Variants in CHD8 observed in about 807,000 individuals in gnomAD.
CHD8 encodes ATP-dependent chromatin remodeler CHD8.
A neutral mutation model predicts 279.2 loss-of-function variants in CHD8; 31 were observed. The ratio of observed to expected loss-of-function variants is 0.11; its 90% CI spans 0.08 to 0.15. The LOEUF (loss-of-function observed/expected upper bound fraction) is 0.15. CHD8 is among the 10% of genes least tolerant of loss of function. CHD8 has a pLI of 1.00. For missense variants in CHD8, 2,146 were observed against 3,230.5 expected (o/e 0.66, Z 8.14); for synonymous variants, 1,081 against 1,139.6 (o/e 0.95, Z 1.04).
At chr14:21,388,815 ATCCATGGATT>A (rs919383889) in intron 37 of CHD8, among the ~76,000 whole-genome samples, 10 of 152,154 alleles carry the variant, frequency 6.6e-5, no homozygotes, top group Admixed American at 5.9e-4. Flanking sequence ...GGACTCGAGC[ATCCATGGATT>A]TTGGTATCTG....
intron 1 of CHD8, among the ~76,000 whole-genome samples, chr14:21,446,630 A>G (rs888886334): frequency 5.9e-5 from 9 of 152,146 alleles, no homozygotes; most frequent in African/African-American, 1.9e-4. Context: ...TAATTTTCTT[A>G]ACAAGACTAA....
intron 20 of CHD8, 66 bp from the exon 21 acceptor site, chr14:21,401,579 A>G (rs1006534020): frequency 1.5e-5 from 15 of 1,011,800 alleles, no homozygotes; most frequent in African/African-American, 3.3e-5. Flanking sequence ...ATCAGCAATT[A>G]TGTTTTAAAA....
At position 21,431,366 on chromosome 14, in the gene CHD8, T is replaced by C; in HGVS notation, c.278A>G (p.His93Arg). The C allele has an allele frequency of 6.5e-7, 1 of 1,537,416 alleles. No homozygotes were observed. Among genetic ancestry groups the C allele is most frequent in the Non-Finnish European group, 8.7e-7 (1 of 1,146,998 alleles). The change falls in exon 2 of 38, where the codon CAT (histidine) becomes CGT (arginine). Residue 93 changes from histidine (H) to arginine (R), a missense_variant. Physicochemically the swap from His to Arg is conservative, Grantham distance 29. This residue lies in a region of CHD8 where 302 missense variants were observed against 325.5 expected (regional missense o/e 0.93). Transcript: ENST00000646647. ...GCTGGCAGGCTGAGTGGTATAATCA[T>C]GCAAGGTTATGGATTCTGGAGCTGG... ...TAPAPESITL[H>R]DYTTQPASQE...
At chr14:21,417,844 A>ACT (rs1378476909) in intron 5 of CHD8, among the ~76,000 whole-genome samples, 3 of 99,016 alleles carry the variant, frequency 3.0e-5, no homozygotes, top group African/African-American at 1.2e-4. Flanking sequence ...ACACAGTGAG[A>ACT]CTCTCTCAAA....
At chr14:21,401,549 T>TC in intron 20 of CHD8, 36 bp from the exon 21 acceptor site, 2 of 1,351,258 alleles carry the variant, frequency 1.5e-6, no homozygotes, top group Non-Finnish European at 2.0e-6. Context: ...AAGCTGACTT[T>TC]TTTTTTTAAG....
chr14:21,437,015 T>C (rs1889810605), intron 1 of CHD8: 3 of 1,157,116 alleles, frequency 2.6e-6, no homozygotes, highest in Non-Finnish European at 3.3e-6. Context: ...GGTAAGGAGC[T>C]AGCGGGGGTG....
chr14:21,395,762 G>A, intron 28 of CHD8, 55 bp downstream of exon 28: 1 of 1,011,404 alleles, frequency 9.9e-7, no homozygotes, highest in Middle Eastern at 2.1e-4. Flanking sequence ...AATGGTTGAA[G>A]ACTTAAAACT....
At chr14:21,437,607 G>A (rs1158713955) in intron 1 of CHD8, among the ~76,000 whole-genome samples, 1 of 152,202 alleles carries the variant, frequency 6.6e-6, no homozygotes, top group East Asian at 1.9e-4. Context: ...GGCCAGCTCC[G>A]CCTCCCTCTG....
Position 21,391,012 on chromosome 14 carries a change from T to C in CHD8, c.7117A>G (p.Lys2373Glu), listed in dbSNP as rs374435577. 3.5e-5 allele frequency: 56 copies of C among 1,604,444 alleles called. No individual in the cohort carries two copies. Among genetic ancestry groups the C allele is most frequent in the East Asian group, 2.2e-4 (10 of 44,790 alleles). The change falls in exon 37 of 38, where the codon AAG becomes GAG. Residue 2373 changes from lysine to glutamate, a missense_variant. By Grantham distance (56) the Lys-to-Glu change is moderately conservative. Coordinates refer to ENST00000646647, the MANE Select transcript of CHD8 (RefSeq NM_001170629.2). ...ATTCCCAAACAGTTCAATTCTGCCT[T>C]ATTATTTTTTTTACATCTTTGCCAC... is the stretch of plus-strand genomic sequence containing the variant. ...QKWQRCKKNN[K>E]AELNCLGMEP... is the part of the protein sequence containing the mutation.
intron 1 of CHD8, among the ~76,000 whole-genome samples, chr14:21,445,019 T>C (rs1009073488): frequency 5.3e-5 from 8 of 152,280 alleles, no homozygotes; most frequent in African/African-American, 1.9e-4. Flanking sequence ...CTGGTAATCA[T>C]TCTCCAGCAT....
rs148462496 is a variant in CHD8 at position 21,454,472 on chromosome 14, C to G, written c.-216+1560G>C. Among the ~76,000 whole-genome samples, 3 of 152,266 alleles carry G rather than the reference C, an allele frequency of 2.0e-5. No homozygotes were observed. In the East Asian group the frequency reaches 5.8e-4, roughly 29 times the overall value. On this transcript the variant is annotated intron_variant, in intron 1 of 37. Coordinates refer to ENST00000646647, the MANE Select transcript of CHD8 (RefSeq NM_001170629.2). ...AGCTGGGACTACAGGCACGCGTCAC[C>G]ATGCCCGGCTAATTTTTTTTTGTAT...
In CHD8 at chr14:21,385,964, G is replaced by A. The variant is rs762706035; in HGVS notation, c.7395C>T (p.Ala2465=). Residue 2465 remains alanine, a synonymous_variant, in exon 38 of 38, where the codon GCC becomes GCT. Transcript: ENST00000646647. The stretch of plus-strand genomic sequence containing the variant: ...GCATAAAAGGCAAAGATGCAGAAGT[G>A]GCACTGCTGTGACCCAAAGATGACA... The part of the protein sequence containing the change: ...QSVSSLGHSS[A]TSASLPFMPF... 4 of 1,564,322 alleles carry A rather than the reference G, an allele frequency of 2.6e-6. No individual in the cohort carries two copies. The South Asian group carries it at 4.7e-5, about 18-fold the overall frequency.
In CHD8 at chr14:21,428,992, A is replaced by G; in HGVS notation, c.1187T>C (p.Val396Ala). 3.1e-6 allele frequency: 5 copies of G among 1,613,936 alleles called. No individual in the cohort carries two copies. The highest frequency in any genetic ancestry group is 4.2e-6 in the Non-Finnish European group (5 of 1,179,870). ...PGQSPGQRLS[V>A]PVKVVLQPQA... ...TGGCTGCAGTACCACCTTGACTGGT[A>G]CTGAAAGTCTTTGTCCTGGGCTTTG... Residue 396 changes from valine to alanine, a missense_variant, in exon 3 of 38, where the codon GTA becomes GCA. Val to Ala is a moderately conservative substitution (Grantham distance 64). This residue lies in a region of CHD8 where 170 missense variants were observed against 189.9 expected (regional missense o/e 0.90). Transcript: ENST00000646647.
chr14:21,393,636 C>T lies in CHD8; in HGVS notation c.6159G>A (p.Leu2053=), dbSNP rs1176364684. The T allele has an allele frequency of 1.9e-6, 3 of 1,613,992 alleles. No individual in the cohort carries two copies. The highest frequency in any genetic ancestry group is 1.7e-6 in the Non-Finnish European group (2 of 1,179,892). Reference sequence around the variant, plus strand: ...TGACTGGTGGAACACTCCGGGAAACCAGAGGGGTAGTATCAGAGGGGGATA... The same window carrying T: ...TGACTGGTGGAACACTCCGGGAAACTAGAGGGGTAGTATCAGAGGGGGATA... ...MRVSPSDTTP[L]VSRSVPPVKL... Residue 2053 remains leucine, a synonymous_variant, in exon 32 of 38, where the codon CTG becomes CTA. Coordinates refer to ENST00000646647, the MANE Select transcript of CHD8 (RefSeq NM_001170629.2).
chr14:21,395,984 A>G, intron 27 of CHD8, 92 bp from the exon 28 acceptor site: 2 of 809,532 alleles, frequency 2.5e-6, no homozygotes, highest in Non-Finnish European at 4.2e-6. Flanking sequence ...ACATATATCC[A>G]GCATGAAATA....
chr14:21,408,868 CA>C lies in CHD8; in HGVS notation c.2365-44del, dbSNP rs1566428256. On this transcript the variant is annotated intron_variant, in intron 11 of 37. Coordinates refer to ENST00000646647, the MANE Select transcript of CHD8 (RefSeq NM_001170629.2). The surrounding 1 kb of genome is among the most constrained non-coding windows in gnomAD (Gnocchi z 4.3). Reference sequence around the variant, plus strand: ...TGAATAAATGGAGTGGAGACATTATCAAAAGGTAAGACTTACTAGGTAAGTT... The same window carrying C: ...TGAATAAATGGAGTGGAGACATTATCAAAGGTAAGACTTACTAGGTAAGTT... 6.3e-7 allele frequency: 1 copy of C among 1,579,156 alleles called. No individual in the cohort carries two copies. Among genetic ancestry groups the C allele is most frequent in the South Asian group, 1.2e-5 (1 of 85,986 alleles).
chr14:21,444,286 C>T (rs1594392547), intron 1 of CHD8, among the ~76,000 whole-genome samples: 1 of 152,198 alleles, frequency 6.6e-6, no homozygotes, highest in African/African-American at 2.4e-5. Context: ...ATTGTTTTTG[C>T]TAATATCTAT....
rs2139445976 is a variant in CHD8, at chr14:21,393,109, G to A, written c.6465C>T (p.Pro2155=). Residue 2155 remains proline (P), a synonymous_variant, in exon 33 of 38, where the codon CCC becomes CCT. Coordinates refer to ENST00000646647, the MANE Select transcript of CHD8 (RefSeq NM_001170629.2). ...CAGGGATGAGGCTGTTTGTTACCTTGGGCCACTCAGAGGCTCTTTGTCTTT... is the reference window on the plus strand; with the variant it reads ...CAGGGATGAGGCTGTTTGTTACCTTAGGCCACTCAGAGGCTCTTTGTCTTT... ...LQERQRASEW[P]KDRVLINRID... 6.2e-7 allele frequency: 1 copy of A among 1,613,256 alleles called. No individual in the cohort carries two copies. The highest frequency in any genetic ancestry group is 8.5e-7 in the Non-Finnish European group (1 of 1,179,780).
chr14:21,407,755 CCCA>C (rs1888313819), intron 13 of CHD8, among the ~76,000 whole-genome samples: 1 of 151,940 alleles, frequency 6.6e-6, no homozygotes, highest in Non-Finnish European at 1.5e-5. Context: ...ATTACAGGTG[CCCA>C]CCACCACACC....
Sources: gnomAD v4.1 joint callset for allele counts (sites outside exome capture counted in the v4.1 genomes callset) on GRCh38, gnomAD v4.1.1 for gene constraint, gnomAD v4.1.1 regional missense constraint, Gnocchi (gnomAD v3.1) non-coding constraint, MANE v1.5 for transcripts, NCBI Gene and HGNC (gene_info 2026-07-23, HGNC 2026-07-21) for gene names.